The following NAV1 variants were observed in gnomAD, a reference collection of about 807,000 sequenced individuals.
The protein encoded by NAV1 is pore membrane and/or filament interacting like protein 3.
In NAV1, 18 loss-of-function variants were observed where a neutral mutation model predicts 175.2. That is an observed-to-expected ratio of 0.10 (90% CI 0.07 to 0.15). The LOEUF (loss-of-function observed/expected upper bound fraction) is 0.15. Among genes scored for constraint, NAV1 ranks in the 10% least tolerant of loss-of-function variants. The probability of loss-of-function intolerance (pLI) is 1.00; values close to 1 mark genes in which losing one functional copy is unlikely to be tolerated. For synonymous variants in NAV1, 897 were observed against 978.7 expected, an observed-to-expected ratio of 0.92 and a Z score of 1.56; for missense variants, 1,731 against 2,436.6, an observed-to-expected ratio of 0.71 and a Z score of 6.10.
At chr1:201,799,013 T>G (rs1677656562) in intron 15 of NAV1, among the ~76,000 whole-genome samples, 1 of 152,090 alleles carries the variant, frequency 6.6e-6, no homozygotes, top group South Asian at 2.1e-4. Flanking sequence ...CTGTTCATTT[T>G]CTTAGGTGTG....
chr1:201,683,287 C>T (rs1670537775), intron 1 of NAV1, among the ~76,000 whole-genome samples: 1 of 152,124 alleles, frequency 6.6e-6, no homozygotes, highest in Non-Finnish European at 1.5e-5. Flanking sequence ...AAGTAAAATG[C>T]CATTCTCATG....
At chr1:201,648,777 G>A (rs1300183867) in exon 1 of NAV1, 1 of 1,416,908 alleles carries the variant, frequency 7.1e-7, no homozygotes, top group Non-Finnish European at 9.2e-7. Context: ...GGCGGCAGCG[G>A]CGGACGGCAG....
At chr1:201,781,970 T>A (rs960907726) in intron 5 of NAV1, among the ~76,000 whole-genome samples, 4 of 152,060 alleles carry the variant, frequency 2.6e-5, no homozygotes, top group Admixed American at 1.3e-4. Flanking sequence ...ACAAAAAAAA[T>A]TCCTAGCCTC....
intron 1 of NAV1, among the ~76,000 whole-genome samples, chr1:201,708,877 G>A (rs1027171172): frequency 5.9e-5 from 9 of 152,114 alleles, no homozygotes; most frequent in Non-Finnish European, 8.8e-5. Context: ...AGCCAGGCAC[G>A]ATGGCACACA....
At chr1:201,600,909 GT>G (rs1667493624) in intron 2 of NAV1, among the ~76,000 whole-genome samples, 2 of 152,176 alleles carry the variant, frequency 1.3e-5, no homozygotes, top group Non-Finnish European at 2.9e-5. Flanking sequence ...TCCTGGGGAG[GT>G]TTGCCCTTCC....
chr1:201,740,733 G>T lies in NAV1; in HGVS notation c.1226+21978G>T, dbSNP rs1242759758. Among the ~76,000 whole-genome samples the T allele has an allele frequency of 6.6e-6, 1 of 152,118 alleles. No homozygotes were observed. The highest frequency in any genetic ancestry group is 2.4e-5 in the African/African-American group (1 of 41,394). On this transcript the variant is annotated intron_variant, in intron 3 of 29. Coordinates refer to ENST00000367296, the Ensembl canonical transcript of NAV1. The surrounding 1 kb of genome is among the most constrained non-coding windows in gnomAD (Gnocchi z 4.7). Reference sequence around the variant, plus strand: ...GGAGAGCCGGGTAATTTGGGGAGACGCACAGTGAGGGACTGGTCGTGTAAG... The same window carrying T: ...GGAGAGCCGGGTAATTTGGGGAGACTCACAGTGAGGGACTGGTCGTGTAAG...
At chr1:201,701,029 A>G (rs1002495436) in intron 1 of NAV1, among the ~76,000 whole-genome samples, 5 of 148,638 alleles carry the variant, frequency 3.4e-5, no homozygotes, top group Non-Finnish European at 3.0e-5. Context: ...AAAAAAAAAA[A>G]AAAGAAAGAA....
At chr1:201,546,671 A>G (rs1665681410) in intron 1 of NAV1, among the ~76,000 whole-genome samples, 1 of 152,000 alleles carries the variant, frequency 6.6e-6, no homozygotes, top group Non-Finnish European at 1.5e-5. Context: ...TTGGGAGGCC[A>G]AGGTGGGTGG....
intron 29 of NAV1, among the ~76,000 whole-genome samples, chr1:201,818,950 A>G (rs1679229478): frequency 6.6e-6 from 1 of 152,246 alleles, no homozygotes; most frequent in Non-Finnish European, 1.5e-5. Context: ...TGTGGAGAGC[A>G]GATTCAACAG....
chr1:201,622,731 T>G (rs1668209909), upstream of NAV1, among the ~76,000 whole-genome samples: 1 of 151,830 alleles, frequency 6.6e-6, no homozygotes, highest in East Asian at 1.9e-4. Context: ...GAACCAGGAG[T>G]GCCAGTGCCC....
Position 201,808,254 on chromosome 1 carries a change from GACCTCTCCCTGGGCATATGAGACCAAC to G in NAV1, c.3845+107_3845+133del. The G allele has an allele frequency of 2.1e-6, 3 of 1,425,766 alleles. No individual in the cohort carries two copies. In the South Asian group the frequency reaches 3.9e-5, roughly 18 times the overall value. The allele number at this position is 1,425,766 out of a possible 1,614,324, so 88.3% of individuals were successfully genotyped here. On this transcript the variant is annotated intron_variant, in intron 18 of 29. Transcript: ENST00000367296. This position sits in a 1 kb window ranked among gnomAD's most constrained non-coding sequence, Gnocchi z 5.5. ...CCTTAGACAAGCAGTACTTATTACTGACCTCTCCCTGGGCATATGAGACCAACAGATGGACCTTTCTTCTCATGCTGA... is the reference window on the plus strand; with the variant it reads ...CCTTAGACAAGCAGTACTTATTACTGAGATGGACCTTTCTTCTCATGCTGA...
chr1:201,648,980 G>T, exon 1 of NAV1: 3 of 1,613,378 alleles, frequency 1.9e-6, no homozygotes, highest in Non-Finnish European at 2.5e-6. Flanking sequence ...AGAAAAAGCT[G>T]CAGCTTTATG....
intron 1 of NAV1, among the ~76,000 whole-genome samples, chr1:201,690,798 A>G (rs1219412006): frequency 1.3e-5 from 2 of 149,444 alleles, no homozygotes; most frequent in African/African-American, 5.0e-5. Flanking sequence ...TGGCCTGTCC[A>G]TGGCAGAGTG....
At chr1:201,709,185 T>G (rs537597152) in intron 1 of NAV1, among the ~76,000 whole-genome samples, 51 of 152,008 alleles carry the variant, frequency 3.4e-4, no homozygotes, top group Admixed American at 1.7e-3. Context: ...AGGTTACTTT[T>G]CTCATTATCA....
At chr1:201,568,920 G>T (rs1242621974) in intron 1 of NAV1, among the ~76,000 whole-genome samples, 1 of 152,150 alleles carries the variant, frequency 6.6e-6, no homozygotes, top group Non-Finnish European at 1.5e-5. Flanking sequence ...TGAATGGCAG[G>T]TCCTAGGGAG....
At chr1:201,625,681 T>C (rs543691657) in intron 1 of NAV1, among the ~76,000 whole-genome samples, 2 of 152,334 alleles carry the variant, frequency 1.3e-5, no homozygotes, top group Admixed American at 6.5e-5. Flanking sequence ...TAGTAAAATG[T>C]TTCCCTGGTG....
At chr1:201,622,221 G>T (rs1322450828), upstream of NAV1, among the ~76,000 whole-genome samples, 1 of 152,140 alleles carries the variant, frequency 6.6e-6, no homozygotes, top group African/African-American at 2.4e-5. Context: ...GACTATGGGG[G>T]TGGGGACAGC....
At chr1:201,555,114 C>T (rs1411086341) in intron 1 of NAV1, among the ~76,000 whole-genome samples, 3 of 152,176 alleles carry the variant, frequency 2.0e-5, no homozygotes, top group African/African-American at 7.2e-5. Flanking sequence ...CACTCTACTC[C>T]AGTATGACCT....
chr1:201,738,086 A>T (rs1033361352), intron 3 of NAV1, among the ~76,000 whole-genome samples: 1 of 151,982 alleles, frequency 6.6e-6, no homozygotes, highest in African/African-American at 2.4e-5. Flanking sequence ...AAATGGAAGA[A>T]TATGTGAGAG....
Sources: allele counts gnomAD v4.1 joint callset (sites outside exome capture counted in the v4.1 genomes callset), GRCh38; gene constraint gnomAD v4.1.1; non-coding constraint Gnocchi (gnomAD v3.1); transcripts MANE v1.5; gene names NCBI Gene and HGNC (gene_info 2026-07-23, HGNC 2026-07-21).